Variants in PCDHGA2 observed in about 807,000 individuals in gnomAD.
PCDHGA2 encodes the protein protocadherin gamma subfamily A, 2.
A neutral mutation model predicts 59.2 loss-of-function variants in PCDHGA2; 40 were observed. That is an observed-to-expected ratio of 0.68 (90% confidence interval 0.52 to 0.88). The LOEUF (loss-of-function observed/expected upper bound fraction) is 0.88. Among genes scored for constraint, PCDHGA2 ranks in the 40% least tolerant of loss-of-function variants. The pLI is 0.00. For missense variants in PCDHGA2, 1,226 were observed against 1,204.0 expected (o/e 1.02, Z -0.27); for synonymous variants, 560 against 526.0 (o/e 1.06, Z -0.89).
At chr5:141,501,198 G>C (rs2299024) in intron 2 of PCDHGA2, among the ~76,000 whole-genome samples, 89,086 of 151,686 alleles carry the variant, frequency 0.59, 27,759 homozygotes, top group African/African-American at 0.8. Context: ...TAAATTCAGG[G>C]TGTTGTCAGG....
chr5:141,371,587 C>T, intron 1 of PCDHGA2: 2 of 1,613,898 alleles, frequency 1.2e-6, no homozygotes, highest in Non-Finnish European at 1.7e-6. Flanking sequence ...GTTCAAGATA[C>T]CAAAAACACA....
In PCDHGA2 at chr5:141,415,072, G is replaced by A. The variant is rs558067255; in HGVS notation, c.2424+73677G>A. On this transcript the variant is annotated intron_variant, in intron 1 of 3. Coordinates refer to ENST00000394576, the MANE Select transcript of PCDHGA2 (RefSeq NM_018915.4). ...GGAGCACACGGGCGAGGTGCGCACG[G>A]CGCGAGCCCTGCTGGACAGAGACGC... 6.2e-5 allele frequency: 100 copies of A among 1,613,418 alleles called. No individual in the cohort carries two copies. The East Asian group carries it at 2.0e-3, about 32-fold the overall frequency.
chr5:141,477,262 C>A lies in PCDHGA2; in HGVS notation c.2425-17545C>A, dbSNP rs60063068. 1.2e-5 allele frequency: 19 copies of A among 1,614,020 alleles called. No homozygotes were observed. The East Asian group carries it at 4.2e-4, about 36-fold the overall frequency. On this transcript the variant is annotated intron_variant, in intron 1 of 3. Transcript: ENST00000394576. This position sits in a 1 kb window ranked among gnomAD's most constrained non-coding sequence, Gnocchi z 4.9. ...TCAGTGTGACTGACCTGGATGCTGG[C>A]GAGAACGGGCTGGTGACCTGCGAAG...
chr5:141,340,490 A>G lies in PCDHGA2; in HGVS notation c.1519A>G (p.Ile507Val), dbSNP rs1483605226. 1 of 1,613,992 alleles carries G rather than the reference A, an allele frequency of 6.2e-7. No homozygotes were observed. Among genetic ancestry groups the G allele is most frequent in the Non-Finnish European group, 8.5e-7 (1 of 1,180,032 alleles). Residue 507 changes from isoleucine (I) to valine (V), a missense_variant, in exon 1 of 4, where the codon ATC (isoleucine) becomes GTC (valine). By Grantham distance (29) the Ile-to-Val change is conservative. Transcript: ENST00000394576. ...QGAPLSSYIS[I>V]NSDTGVLYAL... ...GGCACCCTTATCCTCTTACATCTCT[A>G]TCAACTCCGACACTGGAGTACTCTA...
intron 1 of PCDHGA2, chr5:141,399,856 G>T: frequency 6.2e-7 from 1 of 1,612,894 alleles, no homozygotes; most frequent in South Asian, 1.1e-5. Context: ...GGTGCCGCGC[G>T]CTGCAGAGCC....
At chr5:141,439,631 A>G (rs1459977985) in intron 1 of PCDHGA2, among the ~76,000 whole-genome samples, 2 of 152,214 alleles carry the variant, frequency 1.3e-5, no homozygotes, top group African/African-American at 2.4e-5. Context: ...ATCCCCAGAC[A>G]TTCCGGCTTG....
In PCDHGA2 at chr5:141,432,476, A is replaced by C; in HGVS notation, c.2425-62331A>C. 6.2e-7 allele frequency: 1 copy of C among 1,614,080 alleles called. No homozygotes were observed. The highest frequency in any genetic ancestry group is 8.5e-7 in the Non-Finnish European group (1 of 1,180,012). Reference sequence around the variant, plus strand: ...CCCCGCCCTCCCCACGGACGGTTCCACTGGCGTGGAGCTGGCTCCCCGCTC... The same window carrying C: ...CCCCGCCCTCCCCACGGACGGTTCCCCTGGCGTGGAGCTGGCTCCCCGCTC... On this transcript the variant is annotated intron_variant, in intron 1 of 3. Transcript: ENST00000394576. The surrounding 1 kb of genome is among the most constrained non-coding windows in gnomAD (Gnocchi z 6.0).
intron 1 of PCDHGA2, chr5:141,478,233 TG>T (rs1467423955): frequency 3.7e-6 from 6 of 1,614,126 alleles, no homozygotes; most frequent in Non-Finnish European, 5.1e-6. Flanking sequence ...GTGGGGTTTG[TG>T]GTCACAGTGT....
intron 1 of PCDHGA2, chr5:141,371,193 A>G: frequency 1.2e-6 from 2 of 1,614,034 alleles, no homozygotes; most frequent in Non-Finnish European, 8.5e-7. Context: ...AGTGATGGCC[A>G]TTGACATGGA....
intron 1 of PCDHGA2, among the ~76,000 whole-genome samples, chr5:141,358,037 A>G (rs1416224011): frequency 6.6e-6 from 1 of 152,124 alleles, no homozygotes; most frequent in Non-Finnish European, 1.5e-5. Flanking sequence ...TAAAATACAA[A>G]AAGTTAGCTA....
At chr5:141,423,501 C>T (rs2096747990) in intron 1 of PCDHGA2, 1 of 1,613,990 alleles carries the variant, frequency 6.2e-7, no homozygotes, top group Non-Finnish European at 8.5e-7. Context: ...CCCACGAGGT[C>T]TCTCTCATTG....
At chr5:141,506,231 A>G (rs1453468632) in intron 3 of PCDHGA2, among the ~76,000 whole-genome samples, 4 of 152,082 alleles carry the variant, frequency 2.6e-5, no homozygotes, top group African/African-American at 4.8e-5. Context: ...CAGGAGGATC[A>G]TGAGGTCAGG....
chr5:141,383,551 G>A lies in PCDHGA2; in HGVS notation c.2424+42156G>A, dbSNP rs772901140. 8 of 1,612,382 alleles carry A rather than the reference G, an allele frequency of 5.0e-6. No individual in the cohort carries two copies. Among genetic ancestry groups the A allele is most frequent in the Admixed American group, 3.3e-5 (2 of 59,816 alleles). On this transcript the variant is annotated intron_variant, in intron 1 of 3. Transcript: ENST00000394576. ...CCTGGTCCTCACAGCCTCTGATGGC[G>A]GCGACCCGCCCCGATCCAGCACCGC...
At chr5:141,381,986 C>T (rs1360595056) in intron 1 of PCDHGA2, among the ~76,000 whole-genome samples, 1 of 151,810 alleles carries the variant, frequency 6.6e-6, no homozygotes, top group African/African-American at 2.4e-5. Context: ...CGCGCCACCA[C>T]GCCCGGATAA....
chr5:141,403,791 A>C (rs1265792011), intron 1 of PCDHGA2: 4 of 1,613,782 alleles, frequency 2.5e-6, no homozygotes, highest in Non-Finnish European at 3.4e-6. Flanking sequence ...GTGGCATACA[A>C]ATTCTGGAAA....
chr5:141,422,253 T>C (rs917280432), intron 1 of PCDHGA2: 58 of 1,566,438 alleles, frequency 3.7e-5, no homozygotes, highest in Non-Finnish European at 5.0e-5. Context: ...TGGATGTGAA[T>C]GATAACGCTC....
At chr5:141,434,785 T>A (rs7727021) in intron 1 of PCDHGA2, among the ~76,000 whole-genome samples, 45,585 of 150,884 alleles carry the variant, frequency 0.3, 8,100 homozygotes, top group African/African-American at 0.51. Context: ...AAAAAAAAAA[T>A]TTTTTTTTCT....
Position 141,489,317 on chromosome 5 carries a change from G to T in PCDHGA2, c.2425-5490G>T. ...ATGTTGTCCTTGTGCTGCTGGGGCT[G>T]GGTGTCTGGGCAGCTTCGTTACTCA... is the stretch of plus-strand genomic sequence containing the variant. On this transcript the variant is annotated intron_variant, in intron 1 of 3. Coordinates refer to ENST00000394576, the MANE Select transcript of PCDHGA2 (RefSeq NM_018915.4). The surrounding 1 kb of genome is among the most constrained non-coding windows in gnomAD (Gnocchi z 4.5). 6.3e-7 allele frequency: 1 copy of T among 1,598,654 alleles called. No homozygotes were observed. The highest frequency in any genetic ancestry group is 8.5e-7 in the Non-Finnish European group (1 of 1,171,456).
At chr5:141,382,689 T>C in intron 1 of PCDHGA2, 3 of 445,878 alleles carry the variant, frequency 6.7e-6, no homozygotes, top group African/African-American at 2.0e-5. Flanking sequence ...CAGGGAAAAA[T>C]GGTGCGAGAG....
Sources: allele counts gnomAD v4.1 joint callset (sites outside exome capture counted in the v4.1 genomes callset), GRCh38; gene constraint gnomAD v4.1.1; non-coding constraint Gnocchi (gnomAD v3.1); transcripts MANE v1.5; gene names NCBI Gene and HGNC (gene_info 2026-07-23, HGNC 2026-07-21).